AGBL1: variants seen among roughly 807,000 people sequenced by gnomAD.
The protein encoded by AGBL1 is cytosolic carboxypeptidase 4.
AGBL1 carries 130 observed loss-of-function variants against 118.9 expected under a neutral mutation model. That is an observed-to-expected ratio of 1.09 (90% CI 0.95 to 1.26). The LOEUF (loss-of-function observed/expected upper bound fraction) is 1.26. Among genes scored for constraint, AGBL1 ranks in the 50% most tolerant of loss-of-function variants. The pLI is 0.00. For missense variants in AGBL1, 1,584 were observed against 1,298.1 expected (o/e 1.22, Z -3.38); for synonymous variants, 555 against 478.9 (o/e 1.16, Z -2.08).
chr15:86,833,881 A>G (rs2079138887), intron 22 of AGBL1, among the ~76,000 whole-genome samples: 2 of 152,106 alleles, frequency 1.3e-5, no homozygotes, highest in African/African-American at 2.4e-5. Context: ...CTCAATTTCT[A>G]TTTTGTTTTT....
At chr15:86,395,436 A>G (rs889551754) in intron 17 of AGBL1, among the ~76,000 whole-genome samples, 5 of 152,190 alleles carry the variant, frequency 3.3e-5, no homozygotes, top group Admixed American at 1.3e-4. Flanking sequence ...TCTCAGTCAT[A>G]TCTATTTTGG....
At chr15:87,008,213 G>A (rs542314268) in intron 24 of AGBL1, among the ~76,000 whole-genome samples, 81 of 152,260 alleles carry the variant, frequency 5.3e-4, no homozygotes, top group African/African-American at 1.4e-3. Flanking sequence ...CTCCCCACCC[G>A]GATCTCATCT....
At chr15:86,151,281 C>A (rs1471022349) in intron 3 of AGBL1, among the ~76,000 whole-genome samples, 2 of 148,474 alleles carry the variant, frequency 1.3e-5, no homozygotes, top group African/African-American at 5.0e-5. Context: ...GCACAAGTAC[C>A]CTAAAACTTA....
chr15:86,793,597 C>T (rs1265498225), intron 22 of AGBL1, among the ~76,000 whole-genome samples: 2 of 152,014 alleles, frequency 1.3e-5, no homozygotes, highest in African/African-American at 4.8e-5. Context: ...GCACAAGTGA[C>T]AAAAGAAAAC....
intron 17 of AGBL1, among the ~76,000 whole-genome samples, chr15:86,363,110 C>G (rs1248608445): frequency 6.6e-6 from 1 of 151,744 alleles, no homozygotes; most frequent in Non-Finnish European, 1.5e-5. Flanking sequence ...GCCACTGGGA[C>G]AAAGGCCTGC....
At chr15:86,126,687 A>G (rs12592716) in intron 1 of AGBL1, among the ~76,000 whole-genome samples, 36,366 of 152,146 alleles carry the variant, frequency 0.24, 4,771 homozygotes, top group East Asian at 0.32. Flanking sequence ...TATAATAGAG[A>G]TACAGATAAA....
chr15:86,448,502 C>A (rs8035616), intron 18 of AGBL1, among the ~76,000 whole-genome samples: 88,620 of 152,074 alleles, frequency 0.58, 27,475 homozygotes, highest in East Asian at 0.79. Flanking sequence ...ATCCACCTCC[C>A]CACCCATTGT....
At chr15:86,102,426 C>A (rs1297100724) in intron 1 of AGBL1, among the ~76,000 whole-genome samples, 2 of 152,172 alleles carry the variant, frequency 1.3e-5, no homozygotes, top group Non-Finnish European at 2.9e-5. Context: ...ACTGTTCTTT[C>A]ATTTCCAGTT....
At chr15:86,643,532 C>T (rs1187155637) in intron 21 of AGBL1, among the ~76,000 whole-genome samples, 1 of 152,018 alleles carries the variant, frequency 6.6e-6, no homozygotes, top group Non-Finnish European at 1.5e-5. Context: ...TCGCTAACTT[C>T]TCTTTTTTTC....
chr15:86,320,166 A>T (rs1175468349), intron 17 of AGBL1, among the ~76,000 whole-genome samples: 1 of 152,140 alleles, frequency 6.6e-6, no homozygotes, highest in Non-Finnish European at 1.5e-5. Flanking sequence ...GAGATTTTTC[A>T]TTGAGATTTT....
chr15:86,438,766 A>G lies in AGBL1; in HGVS notation c.2555+41220A>G, dbSNP rs1417499691. Among the ~76,000 whole-genome samples the G allele has an allele frequency of 2.0e-5, 3 of 151,136 alleles. No individual in the cohort carries two copies. The East Asian group carries it at 5.9e-4, about 30-fold the overall frequency. ...AACCTCTGTCTCCTGGGTCCAAACA[A>G]TTCTCCTGCTTCAGCCTCCCAGATA... On this transcript the variant is annotated intron_variant, in intron 18 of 22. Transcript: ENST00000614907.
chr15:86,644,851 C>CAAAAAAAA (rs11434077), intron 21 of AGBL1, among the ~76,000 whole-genome samples: 29 of 99,616 alleles, frequency 2.9e-4, no homozygotes, highest in African/African-American at 3.7e-4. Context: ...ACTAAAAATA[C>CAAAAAAAA]AAAAAAAAAA....
chr15:86,536,830 A>G (rs946572435), intron 19 of AGBL1, among the ~76,000 whole-genome samples: 1 of 152,152 alleles, frequency 6.6e-6, no homozygotes, highest in Non-Finnish European at 1.5e-5. Flanking sequence ...ATACATAGAG[A>G]TGGGGCCACA....
intron 22 of AGBL1, among the ~76,000 whole-genome samples, chr15:86,884,347 A>G (rs962072694): frequency 1.3e-5 from 2 of 152,208 alleles, no homozygotes; most frequent in Admixed American, 6.5e-5. Context: ...GGACGACACA[A>G]GATCTCATCA....
intron 21 of AGBL1, among the ~76,000 whole-genome samples, chr15:86,637,691 G>A (rs1340426694): frequency 6.6e-6 from 1 of 152,186 alleles, no homozygotes; most frequent in Non-Finnish European, 1.5e-5. Context: ...GGGTGGCAGG[G>A]GTGGTGGTGG....
chr15:86,598,013 A>G (rs2084435840), intron 21 of AGBL1, among the ~76,000 whole-genome samples: 1 of 152,070 alleles, frequency 6.6e-6, no homozygotes. Context: ...TGGACTTCCT[A>G]TGTGGGTCAG....
chr15:86,518,493 T>C (rs1217257062), intron 18 of AGBL1, among the ~76,000 whole-genome samples: 1 of 152,130 alleles, frequency 6.6e-6, no homozygotes, highest in Non-Finnish European at 1.5e-5. Flanking sequence ...ATAATTTCAG[T>C]TGAGATGCTT....
chr15:87,013,734 G>GAGGGGAGAATATTGTCCTC (rs1176399208), intron 24 of AGBL1, among the ~76,000 whole-genome samples: 1 of 152,136 alleles, frequency 6.6e-6, no homozygotes, highest in Non-Finnish European at 1.5e-5. Flanking sequence ...GAAGAATTTG[G>GAGGGGAGAATATTGTCCTC]AGGGGAGAAT....
At chr15:86,846,831 C>T (rs1417273726) in intron 22 of AGBL1, among the ~76,000 whole-genome samples, 1 of 152,234 alleles carries the variant, frequency 6.6e-6, no homozygotes, top group South Asian at 2.1e-4. Context: ...CACACCCAGC[C>T]AAATTTGGGT....
Sources: allele counts gnomAD v4.1 joint callset (sites outside exome capture counted in the v4.1 genomes callset), GRCh38; gene constraint gnomAD v4.1.1; transcripts MANE v1.5; gene names NCBI Gene and HGNC (gene_info 2026-07-23, HGNC 2026-07-21).